Variants in DLEU7 observed in about 807,000 individuals in gnomAD.
DLEU7 encodes leukemia-associated protein 7.
In DLEU7, 17 loss-of-function variants were observed where a neutral mutation model predicts 16.0. The observed-to-expected ratio is 1.06, with a 90% CI of 0.73 to 1.59. The LOEUF (loss-of-function observed/expected upper bound fraction) is 1.59, where lower values mean the gene tolerates loss of function less well. DLEU7 is among the 40% of genes most tolerant of loss of function. DLEU7 has a pLI of 0.00. For synonymous variants in DLEU7, 113 were observed against 139.8 expected (o/e 0.81, Z 1.35); for missense variants, 308 against 314.9 (o/e 0.98, Z 0.17).
intron 1 of DLEU7, among the ~76,000 whole-genome samples, chr13:50,798,900 C>A (rs1876173060): frequency 6.6e-6 from 1 of 152,210 alleles, no homozygotes; most frequent in African/African-American, 2.4e-5. Flanking sequence ...CCTCCTCACT[C>A]CACCTGCAGA....
At chr13:50,774,476 G>T (rs186386164) in intron 1 of DLEU7, among the ~76,000 whole-genome samples, 1 of 152,200 alleles carries the variant, frequency 6.6e-6, no homozygotes, top group Admixed American at 6.5e-5. Context: ...GAAACTAGAC[G>T]TCATGTTTAT....
In DLEU7 at chr13:50,801,634, A is replaced by G. The variant is rs148172311; in HGVS notation, c.459+41554T>C. Among the ~76,000 whole-genome samples the G allele has an allele frequency of 2.1e-3, 319 of 152,154 alleles. 1 individual carries two copies. Among genetic ancestry groups the G allele is most frequent in the African/African-American group, 6.0e-3 (250 of 41,512 alleles). On this transcript the variant is annotated intron_variant, in intron 1 of 1. Transcript: ENST00000400393. Reference sequence around the variant, plus strand: ...ACTGCACTGTTGGTTGAGATTTTACATGATTTTAAATTACCTTCCAAGGAG... The same window carrying G: ...ACTGCACTGTTGGTTGAGATTTTACGTGATTTTAAATTACCTTCCAAGGAG...
At chr13:50,774,189 A>G (rs1275719477) in intron 1 of DLEU7, among the ~76,000 whole-genome samples, 1 of 152,126 alleles carries the variant, frequency 6.6e-6, no homozygotes, top group Non-Finnish European at 1.5e-5. Context: ...TCCCTTGGCT[A>G]GGAAAGGGAA....
intron 1 of DLEU7, among the ~76,000 whole-genome samples, chr13:50,725,083 A>AC (rs112465918): frequency 0.17 from 25,302 of 152,032 alleles, 3,260 homozygotes; most frequent in African/African-American, 0.36. Flanking sequence ...AAGTTAGTTG[A>AC]CACAATGCCC....
downstream of DLEU7, chr13:50,711,772 C>CCGGGGGGGGGGGGG: frequency 1.6e-3 from 117 of 72,792 alleles, 18 homozygotes; most frequent in African/African-American, 3.5e-3. Context: ...GACCCAGTGG[C>CCGGGGGGGGGGGGG]GGGGGCGGGG....
At chr13:50,748,654 G>C (rs1874472009) in intron 1 of DLEU7, among the ~76,000 whole-genome samples, 1 of 152,114 alleles carries the variant, frequency 6.6e-6, no homozygotes, top group Non-Finnish European at 1.5e-5. Flanking sequence ...AGAGCCCAAG[G>C]AGGCTGGTCT....
At chr13:50,813,760 TGATA>T (rs1478305408) in intron 1 of DLEU7, among the ~76,000 whole-genome samples, 1 of 152,102 alleles carries the variant, frequency 6.6e-6, no homozygotes, top group African/African-American at 2.4e-5. Flanking sequence ...CAATCTCACC[TGATA>T]GATCAAATAA....
intron 1 of DLEU7, among the ~76,000 whole-genome samples, chr13:50,801,135 C>G (rs1018698477): frequency 6.6e-6 from 1 of 152,154 alleles, no homozygotes; most frequent in Non-Finnish European, 1.5e-5. Flanking sequence ...TAGCTGTCCT[C>G]TCCTTGCTTT....
chr13:50,808,636 T>A (rs1221899009), intron 1 of DLEU7: 1 of 152,130 alleles, frequency 6.6e-6, no homozygotes, highest in East Asian at 1.9e-4. Flanking sequence ...CTTCTTTTCT[T>A]CTGCTGCTGT....
At chr13:50,775,804 G>T (rs577694724) in intron 1 of DLEU7, among the ~76,000 whole-genome samples, 1 of 152,246 alleles carries the variant, frequency 6.6e-6, no homozygotes, top group South Asian at 2.1e-4. Flanking sequence ...AATAGCTATT[G>T]GCAGGAAAGT....
Position 50,823,039 on chromosome 13 carries a change from C to T in DLEU7, c.*275G>A. 9.1e-7 allele frequency: 1 copy of T among 1,092,984 alleles called. No homozygotes were observed. The highest frequency in any genetic ancestry group is 1.1e-6 in the Non-Finnish European group (1 of 875,318). 67.7% of individuals were successfully genotyped at this position (1,092,984 alleles called of 1,614,324 possible). A position where few individuals can be genotyped will look rare whatever the true frequency, so the allele number is the denominator to read the frequency against. Reference sequence around the variant, plus strand: ...ATGAATAAATATATACATACATAATCAAATCAGCTTCACAAAGTAGAATGT... The same window carrying T: ...ATGAATAAATATATACATACATAATTAAATCAGCTTCACAAAGTAGAATGT... On this transcript the variant is annotated 3_prime_UTR_variant, in exon 2 of 2. Transcript: ENST00000504404.
At chr13:50,787,618 C>T (rs922491948) in intron 1 of DLEU7, among the ~76,000 whole-genome samples, 5 of 152,090 alleles carry the variant, frequency 3.3e-5, no homozygotes, top group African/African-American at 1.2e-4. Flanking sequence ...CACTGAGCTC[C>T]CTGCCCCCTG....
chr13:50,840,318 C>T (rs1877605663), intron 1 of DLEU7, among the ~76,000 whole-genome samples: 1 of 152,138 alleles, frequency 6.6e-6, no homozygotes, highest in Non-Finnish European at 1.5e-5. Flanking sequence ...ATAACCAGCC[C>T]CCTGGAAAGA....
At chr13:50,783,577 C>T (rs926316474) in intron 1 of DLEU7, among the ~76,000 whole-genome samples, 1 of 152,040 alleles carries the variant, frequency 6.6e-6, no homozygotes, top group African/African-American at 2.4e-5. Context: ...GGGACCCAGC[C>T]GATACAACCT....
intron 1 of DLEU7, among the ~76,000 whole-genome samples, chr13:50,742,189 C>A (rs1029662199): frequency 1.3e-5 from 2 of 151,862 alleles, no homozygotes; most frequent in Non-Finnish European, 2.9e-5. Flanking sequence ...GGTTTTGGAA[C>A]AAGAGTAATA....
intron 1 of DLEU7, among the ~76,000 whole-genome samples, chr13:50,772,561 TA>T (rs1165987425): frequency 2.6e-5 from 4 of 152,186 alleles, no homozygotes; most frequent in African/African-American, 7.2e-5. Context: ...CTGGGTTGAA[TA>T]TTTTTTTCTT....
At chr13:50,830,414 A>T (rs1453098113) in intron 1 of DLEU7, among the ~76,000 whole-genome samples, 1 of 152,236 alleles carries the variant, frequency 6.6e-6, no homozygotes, top group Non-Finnish European at 1.5e-5. Flanking sequence ...ATAACCTACT[A>T]GAGGGAAATG....
At chr13:50,796,982 T>C (rs1200784220) in intron 1 of DLEU7, among the ~76,000 whole-genome samples, 1 of 152,166 alleles carries the variant, frequency 6.6e-6, no homozygotes, top group Non-Finnish European at 1.5e-5. Flanking sequence ...CTCTAACTAA[T>C]ACATTGAATA....
intron 1 of DLEU7, among the ~76,000 whole-genome samples, chr13:50,766,237 T>C (rs1179800492): frequency 1.3e-5 from 2 of 152,162 alleles, no homozygotes; most frequent in Non-Finnish European, 2.9e-5. Flanking sequence ...AGAAGGATAC[T>C]GTCAGCCCAA....
Sources: allele counts gnomAD v4.1 joint callset (sites outside exome capture counted in the v4.1 genomes callset), GRCh38; gene constraint gnomAD v4.1.1; transcripts MANE v1.5; gene names NCBI Gene and HGNC (gene_info 2026-07-23, HGNC 2026-07-21).